Variants in CUEDC1 observed in about 807,000 individuals in gnomAD.
The protein encoded by CUEDC1 is CUE domain-containing protein 1.
A neutral mutation model predicts 43.7 loss-of-function variants in CUEDC1; 30 were observed. The ratio of observed to expected loss-of-function variants is 0.69; its 90% CI spans 0.51 to 0.93. The LOEUF (loss-of-function observed/expected upper bound fraction) is 0.93, where lower values mean the gene tolerates loss of function less well. Ranked by LOEUF, CUEDC1 falls within the 40% of genes least tolerant of loss-of-function variation. The probability of loss-of-function intolerance (pLI) is 0.00; values close to 1 mark genes in which losing one functional copy is unlikely to be tolerated. For missense variants in CUEDC1, 486 were observed against 549.0 expected (o/e 0.89, Z 1.15); for synonymous variants, 223 against 223.6 (o/e 1.00, Z 0.02).
chr17:57,867,769 C>T (rs62084492), intron 8 of CUEDC1: 3 of 475,122 alleles, frequency 6.3e-6, no homozygotes, highest in Non-Finnish European at 1.1e-5. Context: ...GGAGGGCCAA[C>T]ATGCTTGGAG....
chr17:57,942,336 C>T (rs1239364818), intron 1 of CUEDC1, among the ~76,000 whole-genome samples: 2 of 152,140 alleles, frequency 1.3e-5, no homozygotes, highest in Non-Finnish European at 2.9e-5. Context: ...ACTCACATCC[C>T]TGTAGGTCAA....
intron 9 of CUEDC1, chr17:57,866,862 T>C (rs973935276): frequency 1.0e-5 from 4 of 385,892 alleles, no homozygotes; most frequent in African/African-American, 8.1e-5. Context: ...TTCCAGTCCT[T>C]GTTTCTGGAT....
intron 1 of CUEDC1, among the ~76,000 whole-genome samples, chr17:57,952,801 G>A (rs1055917328): frequency 3.3e-5 from 5 of 152,264 alleles, no homozygotes; most frequent in African/African-American, 1.2e-4. Context: ...GCTCTCTGTG[G>A]GGGACTTGAG....
intron 1 of CUEDC1, among the ~76,000 whole-genome samples, chr17:57,943,846 G>C (rs2074937122): frequency 6.6e-6 from 1 of 152,114 alleles, no homozygotes; most frequent in Non-Finnish European, 1.5e-5. Flanking sequence ...CCAAGACTGT[G>C]ATCTGTACAC....
At chr17:57,940,530 C>T (rs2074908069) in intron 1 of CUEDC1, among the ~76,000 whole-genome samples, 1 of 152,164 alleles carries the variant, frequency 6.6e-6, no homozygotes, top group Non-Finnish European at 1.5e-5. Context: ...GATGTGGCTA[C>T]AGATGGAGGT....
chr17:57,867,011 A>G, intron 9 of CUEDC1: 1 of 417,098 alleles, frequency 2.4e-6, no homozygotes. Context: ...CCACAGACTG[A>G]AGCTGCCCAG....
At chr17:57,946,623 G>C (rs1400914200) in intron 1 of CUEDC1, among the ~76,000 whole-genome samples, 2 of 152,072 alleles carry the variant, frequency 1.3e-5, no homozygotes, top group Non-Finnish European at 2.9e-5. Flanking sequence ...AAGAATGCCA[G>C]TACAAGATGT....
At chr17:57,863,615 A>G (rs1056489601) in intron 10 of CUEDC1, among the ~76,000 whole-genome samples, 2 of 152,098 alleles carry the variant, frequency 1.3e-5, no homozygotes, top group African/African-American at 4.8e-5. Context: ...AGCTCAGGGG[A>G]GCTAGGCCAC....
chr17:57,864,936 A>G (rs1200905809), intron 10 of CUEDC1, among the ~76,000 whole-genome samples: 1 of 152,234 alleles, frequency 6.6e-6, no homozygotes, highest in Non-Finnish European at 1.5e-5. Flanking sequence ...GGGTGCCTAT[A>G]ATCCCAGCTA....
At chr17:57,940,023 T>C (rs754544544) in intron 1 of CUEDC1, among the ~76,000 whole-genome samples, 42 of 151,568 alleles carry the variant, frequency 2.8e-4, no homozygotes, top group Admixed American at 1.1e-3. Context: ...CTCGAGCTGG[T>C]TTCTGTTACT....
intron 1 of CUEDC1, among the ~76,000 whole-genome samples, chr17:57,947,023 T>C (rs1279535796): frequency 6.6e-6 from 1 of 151,870 alleles, no homozygotes; most frequent in Non-Finnish European, 1.5e-5. Context: ...GGGTACAGCC[T>C]GAAACCGAAA....
chr17:57,928,466 G>A (rs962433332), intron 1 of CUEDC1, among the ~76,000 whole-genome samples: 22 of 149,362 alleles, frequency 1.5e-4, no homozygotes, highest in South Asian at 8.5e-4. Context: ...GGAGAATGGC[G>A]TGAACCCAGA....
At chr17:57,875,383 G>T (rs2074106004) in intron 3 of CUEDC1, among the ~76,000 whole-genome samples, 1 of 152,168 alleles carries the variant, frequency 6.6e-6, no homozygotes, top group Non-Finnish European at 1.5e-5. Flanking sequence ...GGTGGAGGAG[G>T]CCCCTGTTCT....
At chr17:57,932,400 A>G (rs574302314) in intron 1 of CUEDC1, among the ~76,000 whole-genome samples, 2 of 151,746 alleles carry the variant, frequency 1.3e-5, no homozygotes, top group African/African-American at 2.4e-5. Context: ...CCTGGCTAAC[A>G]TGGTGAAACC....
At chr17:57,953,640 A>G (rs2075028379) in intron 1 of CUEDC1, among the ~76,000 whole-genome samples, 2 of 152,150 alleles carry the variant, frequency 1.3e-5, no homozygotes, top group Admixed American at 1.3e-4. Flanking sequence ...TTTTGGAAGG[A>G]GAGGAGTTAG....
chr17:57,949,068 C>G (rs1040655770), intron 1 of CUEDC1, among the ~76,000 whole-genome samples: 1 of 152,226 alleles, frequency 6.6e-6, no homozygotes, highest in Non-Finnish European at 1.5e-5. Flanking sequence ...CGCTACTTAG[C>G]TCTACTCAGA....
intron 6 of CUEDC1, 149 bp from the exon 7 acceptor site, chr17:57,869,342 T>G: frequency 3.0e-6 from 2 of 671,150 alleles, no homozygotes; most frequent in Non-Finnish European, 5.2e-6. Flanking sequence ...GATGTGGAGT[T>G]CCAGGAGCTC....
chr17:57,906,973 C>CA (rs71143215), intron 1 of CUEDC1, among the ~76,000 whole-genome samples: 16,087 of 80,772 alleles, frequency 0.2, 1,803 homozygotes, highest in African/African-American at 0.37. Context: ...CTCTGCCTCA[C>CA]AAAAAAAAAA....
At chr17:57,865,083 AATG>A (rs2073937701) in intron 10 of CUEDC1, among the ~76,000 whole-genome samples, 1 of 152,186 alleles carries the variant, frequency 6.6e-6, no homozygotes, top group African/African-American at 2.4e-5. Flanking sequence ...TGAATGAATG[AATG>A]AATGATGAGC....
Sources: allele counts gnomAD v4.1 joint callset (sites outside exome capture counted in the v4.1 genomes callset), GRCh38; gene constraint gnomAD v4.1.1; transcripts MANE v1.5; gene names NCBI Gene and HGNC (gene_info 2026-07-23, HGNC 2026-07-21).